CEP128: variants seen among roughly 807,000 people sequenced by gnomAD.
The protein encoded by CEP128 is centrosomal protein 128kDa.
CEP128 carries 132 observed loss-of-function variants against 156.7 expected under a neutral mutation model. The ratio of observed to expected loss-of-function variants is 0.84; its 90% confidence interval spans 0.73 to 0.97. The LOEUF (loss-of-function observed/expected upper bound fraction) is 0.97. Ranked by LOEUF, CEP128 falls within the 50% of genes least tolerant of loss-of-function variation. The pLI is 0.00. For missense variants in CEP128, 1,252 were observed against 1,281.9 expected (o/e 0.98, Z 0.36); for synonymous variants, 469 against 448.9 (o/e 1.04, Z -0.57).
At chr14:80,606,784 G>A (rs1892797271) in intron 19 of CEP128, among the ~76,000 whole-genome samples, 1 of 152,000 alleles carries the variant, frequency 6.6e-6, no homozygotes, top group African/African-American at 2.4e-5. Flanking sequence ...GTGCGTGTGT[G>A]TAGAGAGCAG....
chr14:80,776,427 T>C (rs927665529), intron 16 of CEP128, among the ~76,000 whole-genome samples: 1 of 150,474 alleles, frequency 6.6e-6, no homozygotes, highest in African/African-American at 2.4e-5. Context: ...AATCATAAAC[T>C]CCTAACTTAC....
intron 19 of CEP128, among the ~76,000 whole-genome samples, chr14:80,684,694 T>A (rs1354899416): frequency 1.2e-4 from 13 of 107,642 alleles, no homozygotes; most frequent in East Asian, 2.7e-4. Flanking sequence ...CAGGCAAAAA[T>A]CCTCAAAAAA....
chr14:80,702,022 A>G (rs908074024), intron 19 of CEP128, among the ~76,000 whole-genome samples: 2 of 152,090 alleles, frequency 1.3e-5, no homozygotes, highest in African/African-American at 4.8e-5. Flanking sequence ...TCTTATTTAA[A>G]ATTACACTTT....
At chr14:80,585,725 C>T (rs1259014790) in intron 19 of CEP128, among the ~76,000 whole-genome samples, 1 of 152,142 alleles carries the variant, frequency 6.6e-6, no homozygotes, top group African/African-American at 2.4e-5. Context: ...TAATTCAGTG[C>T]TCCTGTCCAG....
intron 19 of CEP128, among the ~76,000 whole-genome samples, chr14:80,681,144 A>C (rs964562158): frequency 6.6e-6 from 1 of 152,174 alleles, no homozygotes; most frequent in African/African-American, 2.4e-5. Context: ...ATAAAAGCAA[A>C]GCCAAGAGAC....
chr14:80,825,790 T>G (rs1885438878), intron 13 of CEP128, among the ~76,000 whole-genome samples: 1 of 152,162 alleles, frequency 6.6e-6, no homozygotes, highest in Admixed American at 6.5e-5. Context: ...TATAAAGGCT[T>G]ATTTAGTTAT....
intron 19 of CEP128, among the ~76,000 whole-genome samples, chr14:80,727,542 A>G (rs562499674): frequency 1.5e-3 from 235 of 152,304 alleles, no homozygotes; most frequent in African/African-American, 5.5e-3. Context: ...ACCTAATTAA[A>G]CTAAAGAGCT....
At chr14:80,828,815 C>A (rs1885627752) in intron 13 of CEP128, among the ~76,000 whole-genome samples, 1 of 152,148 alleles carries the variant, frequency 6.6e-6, no homozygotes, top group Non-Finnish European at 1.5e-5. Context: ...TATATATGTT[C>A]TTGGGCCTGA....
chr14:80,536,225 G>A (rs1200352623), intron 21 of CEP128, among the ~76,000 whole-genome samples: 2 of 152,084 alleles, frequency 1.3e-5, no homozygotes, highest in African/African-American at 4.8e-5. Flanking sequence ...GTCTCCTGTA[G>A]AGAAAACTTA....
chr14:80,811,240 A>G (rs1310712028), intron 13 of CEP128, among the ~76,000 whole-genome samples: 2 of 152,206 alleles, frequency 1.3e-5, no homozygotes, highest in Non-Finnish European at 2.9e-5. Flanking sequence ...TGCAATGAAC[A>G]TACATGTGCA....
chr14:80,899,142 A>G (rs891041765), intron 7 of CEP128, among the ~76,000 whole-genome samples: 1 of 152,234 alleles, frequency 6.6e-6, no homozygotes, highest in Non-Finnish European at 1.5e-5. Context: ...CATTCTCATT[A>G]CAGCCTATAC....
chr14:80,802,462 T>A (rs1883927435), intron 13 of CEP128, among the ~76,000 whole-genome samples: 1 of 148,486 alleles, frequency 6.7e-6, no homozygotes, highest in African/African-American at 2.5e-5. Context: ...CCGCATGCTC[T>A]CACTCGTAAG....
chr14:80,732,283 C>A (rs556939423), intron 19 of CEP128, among the ~76,000 whole-genome samples: 3 of 152,030 alleles, frequency 2.0e-5, no homozygotes, highest in Admixed American at 6.6e-5. Context: ...AAAAATTGCA[C>A]TAGCAAACAT....
At chr14:80,807,157 C>G (rs1415842241) in intron 13 of CEP128, among the ~76,000 whole-genome samples, 2 of 151,938 alleles carry the variant, frequency 1.3e-5, no homozygotes, top group Non-Finnish European at 2.9e-5. Flanking sequence ...CAATAAAATG[C>G]ATCAACACCT....
intron 16 of CEP128, among the ~76,000 whole-genome samples, chr14:80,770,182 G>A (rs1900444684): frequency 2.0e-5 from 3 of 152,222 alleles, no homozygotes; most frequent in Non-Finnish European, 4.4e-5. Context: ...CAAGTCAGGA[G>A]TGGGTACAAC....
chr14:80,543,825 C>A (rs1291386172), intron 21 of CEP128, among the ~76,000 whole-genome samples: 1 of 152,192 alleles, frequency 6.6e-6, no homozygotes, highest in African/African-American at 2.4e-5. Context: ...GTTTTGAACT[C>A]AGGCCCCCTC....
At chr14:80,953,984 A>G (rs1009388163) in intron 2 of CEP128, among the ~76,000 whole-genome samples, 7 of 152,206 alleles carry the variant, frequency 4.6e-5, no homozygotes, top group African/African-American at 1.7e-4. Flanking sequence ...AAACAACAAC[A>G]AAAGCCCGGG....
chr14:80,607,207 C>T (rs1218144660), intron 19 of CEP128, among the ~76,000 whole-genome samples: 1 of 151,638 alleles, frequency 6.6e-6, no homozygotes, highest in African/African-American at 2.4e-5. Context: ...TATCTAAAGA[C>T]AAATACATAT....
chr14:80,506,415 T>TC (rs1817216114), intron 23 of CEP128, among the ~76,000 whole-genome samples: 1 of 150,928 alleles, frequency 6.6e-6, no homozygotes, highest in Non-Finnish European at 1.5e-5. Context: ...GATTTATTTT[T>TC]TTTTTTTTCA....
Sources: gnomAD v4.1 joint callset for allele counts (sites outside exome capture counted in the v4.1 genomes callset) on GRCh38, gnomAD v4.1.1 for gene constraint, MANE v1.5 for transcripts, NCBI Gene and HGNC (gene_info 2026-07-23, HGNC 2026-07-21) for gene names.